Variants in SLTM observed in about 807,000 individuals in gnomAD.
SLTM encodes SAFB like transcription modulator.
In SLTM, 43 loss-of-function variants were observed where a neutral mutation model predicts 134.6. The ratio of observed to expected loss-of-function variants is 0.32; its 90% confidence interval spans 0.25 to 0.41. The LOEUF is 0.41. SLTM is among the 10% of genes least tolerant of loss of function. SLTM has a pLI of 1.00. For synonymous variants in SLTM, 424 were observed against 432.3 expected, an observed-to-expected ratio of 0.98 and a Z score of 0.24; for missense variants, 1,055 against 1,288.8, an observed-to-expected ratio of 0.82 and a Z score of 2.78.
At chr15:58,926,103 C>T (rs1239196030) in intron 2 of SLTM, among the ~76,000 whole-genome samples, 1 of 152,164 alleles carries the variant, frequency 6.6e-6, no homozygotes, top group Non-Finnish European at 1.5e-5. Flanking sequence ...GGGCCCCCAA[C>T]ATAACAACCC....
At position 58,893,836 on chromosome 15, in the gene SLTM, C is replaced by T. The variant is rs772706693; in HGVS notation, c.1633G>A (p.Glu545Lys). The T allele has an allele frequency of 6.2e-7, 1 of 1,608,600 alleles. No homozygotes were observed. Among genetic ancestry groups the T allele is most frequent in the South Asian group, 1.1e-5 (1 of 89,208 alleles). The change falls in exon 12 of 21, where the codon GAA becomes AAA. Residue 545 changes from glutamate to lysine, a missense_variant. Transcript: ENST00000380516. ...TATAGCATACTTATTCGCTTCTTTTCTTCACTTTTTTTAATCGATTCTGAT... is the reference window on the plus strand; with the variant it reads ...TATAGCATACTTATTCGCTTCTTTTTTTCACTTTTTTTAATCGATTCTGAT... ...QTSESIKKSEEKKRISSKSPG... is the reference protein window; with the variant it reads ...QTSESIKKSEKKKRISSKSPG...
rs201304331 is a variant in SLTM at position 58,897,102 on chromosome 15, A to T, written c.1227+13T>A. On this transcript the variant is annotated intron_variant, in intron 9 of 20. Transcript: ENST00000380516. ...ACACCAGAAAGACAGATAAAAAGGTAAAAAGAATGTACCTTTCCATATTTG... is the reference window on the plus strand; with the variant it reads ...ACACCAGAAAGACAGATAAAAAGGTTAAAAGAATGTACCTTTCCATATTTG... 390 of 1,506,120 alleles carry T rather than the reference A, an allele frequency of 2.6e-4. 1 individual carries two copies. Among genetic ancestry groups the T allele is most frequent in the Non-Finnish European group, 3.2e-4 (349 of 1,082,366 alleles). The allele number at this position is 1,506,120 out of a possible 1,614,324, so 93.3% of individuals were successfully genotyped here.
intron 14 of SLTM, among the ~76,000 whole-genome samples, chr15:58,892,024 C>T (rs1362237091): frequency 2.6e-5 from 4 of 152,158 alleles, no homozygotes; most frequent in African/African-American, 9.7e-5. Flanking sequence ...CTATGTGCTA[C>T]AAGGATTACT....
rs1247517702 is a variant in SLTM, at chr15:58,887,532, C to T, written c.2384G>A (p.Arg795His). The part of the protein sequence containing the change: ...VQSSSFERRD[R>H]FVGQSEGKKA... Reference sequence around the variant, plus strand: ...TTTCCCCTCACTTTGACCAACAAAGCGATCCCGCCTATTGATTAGAAACAA... The same window carrying T: ...TTTCCCCTCACTTTGACCAACAAAGTGATCCCGCCTATTGATTAGAAACAA... The change falls in exon 18 of 21, where the codon CGC (arginine) becomes CAC (histidine). Residue 795 changes from arginine to histidine, a missense_variant. By Grantham distance (29) the Arg-to-His change is conservative (BLOSUM62 0). Around this residue, in one of 3 missense-constraint regions of SLTM, gnomAD observed 776 missense variants for 962.2 expected, o/e 0.81. Transcript: ENST00000380516. 2 of 1,609,734 alleles carry T rather than the reference C, an allele frequency of 1.2e-6. No homozygotes were observed. Among genetic ancestry groups the T allele is most frequent in the South Asian group, 1.1e-5 (1 of 90,804 alleles).
chr15:58,898,411 A>G (rs539857291), intron 8 of SLTM: 2 of 156,334 alleles, frequency 1.3e-5, no homozygotes, highest in South Asian at 3.8e-4. Flanking sequence ...AAATACACAC[A>G]AGTATTATTT....
intron 6 of SLTM, chr15:58,900,815 T>C (rs905641752): frequency 3.5e-5 from 6 of 169,308 alleles, no homozygotes; most frequent in African/African-American, 1.4e-4. Flanking sequence ...GACGACTGTA[T>C]GGAAGTTTCT....
chr15:58,880,577 G>C (rs1183730910), intron 20 of SLTM, among the ~76,000 whole-genome samples: 1 of 151,990 alleles, frequency 6.6e-6, no homozygotes, highest in Non-Finnish European at 1.5e-5. Context: ...TATATTTTTA[G>C]ACAGGGCCTC....
chr15:58,909,061 C>T (rs74017308), intron 5 of SLTM, among the ~76,000 whole-genome samples: 135 of 152,262 alleles, frequency 8.9e-4, no homozygotes, highest in African/African-American at 3.1e-3. Flanking sequence ...TCAGTAGTAG[C>T]GAACACCTCC....
chr15:58,886,218 A>AGTGTGTGTGTGT lies in SLTM; in HGVS notation c.2835+745_2835+756dup, dbSNP rs60261686. Reference sequence around the variant, plus strand: ...TTAAATGAAGCAGGAGAAAAAGAAGAGTGTGTGTGTGTGTGTGTGTGTGTG... The same window carrying AGTGTGTGTGTGT: ...TTAAATGAAGCAGGAGAAAAAGAAGAGTGTGTGTGTGTGTGTGTGTGTGTGTGTGTGTGTGTG... On this transcript the variant is annotated intron_variant, in intron 19 of 20. Transcript: ENST00000380516. Among the ~76,000 whole-genome samples the AGTGTGTGTGTGT allele has an allele frequency of 7.2e-5, 9 of 124,474 alleles. No homozygotes were observed. In the East Asian group the frequency reaches 1.2e-3, roughly 16 times the overall value. The allele number at this position is 124,474 out of a possible 152,430, so 81.7% of individuals were successfully genotyped here.
intron 5 of SLTM, among the ~76,000 whole-genome samples, chr15:58,903,312 G>A (rs1460009929): frequency 6.6e-6 from 1 of 152,208 alleles, no homozygotes; most frequent in Non-Finnish European, 1.5e-5. Context: ...TGGGATTACA[G>A]GCATGGGCCA....
chr15:58,903,725 AAG>A (rs1229941219), intron 5 of SLTM, among the ~76,000 whole-genome samples: 1 of 151,962 alleles, frequency 6.6e-6, no homozygotes, highest in African/African-American at 2.4e-5. Context: ...GAAAAAAAAA[AAG>A]AATGTGCATC....
Position 58,902,790 on chromosome 15 carries a change from C to G in SLTM, c.562-1503G>C, listed in dbSNP as rs142980275. Among the ~76,000 whole-genome samples the G allele has an allele frequency of 2.4e-3, 358 of 151,490 alleles. 10 individuals carry two copies. The East Asian group carries it at 0.045, about 19-fold the overall frequency. ...CCAGGCTGGAGTGCAGTGGCATGAT[C>G]TCAGCTCACTGCAACCTCCGCCTCC... On this transcript the variant is annotated intron_variant, in intron 5 of 20. Coordinates refer to ENST00000380516, the MANE Select transcript of SLTM (RefSeq NM_024755.4).
chr15:58,905,427 G>GCCAA (rs1477851836), intron 5 of SLTM, among the ~76,000 whole-genome samples: 1 of 152,142 alleles, frequency 6.6e-6, no homozygotes, highest in Non-Finnish European at 1.5e-5. Flanking sequence ...ATGTGGCCAG[G>GCCAA]CGTGGTGGCT....
chr15:58,894,598 G>A lies in SLTM; in HGVS notation c.1228-16C>T, dbSNP rs767586492. 6.2e-7 allele frequency: 1 copy of A among 1,612,804 alleles called. No individual in the cohort carries two copies. Among genetic ancestry groups the A allele is most frequent in the African/African-American group, 1.3e-5 (1 of 74,784 alleles). On this transcript the variant is annotated splice_polypyrimidine_tract_variant and intron_variant, in intron 9 of 20. Transcript: ENST00000380516. Reference sequence around the variant, plus strand: ...CACTCAGAACCTATAAAATCAGACTGTACTTTAGAGAGTTTTACAACGTTC... The same window carrying A: ...CACTCAGAACCTATAAAATCAGACTATACTTTAGAGAGTTTTACAACGTTC...
intron 9 of SLTM, among the ~76,000 whole-genome samples, chr15:58,896,729 C>T (rs2035108312): frequency 6.6e-6 from 1 of 152,072 alleles, no homozygotes. Context: ...TCTCCCCAGG[C>T]CCCCGTGAAT....
intron 2 of SLTM, among the ~76,000 whole-genome samples, chr15:58,930,095 TACAA>T (rs1163364999): frequency 2.0e-5 from 3 of 152,070 alleles, no homozygotes; most frequent in African/African-American, 2.4e-5. Flanking sequence ...TGAGGCCTGC[TACAA>T]ACAAATGATT....
At chr15:58,922,965 C>T (rs1285554765) in intron 2 of SLTM, among the ~76,000 whole-genome samples, 1 of 152,076 alleles carries the variant, frequency 6.6e-6, no homozygotes, top group Non-Finnish European at 1.5e-5. Flanking sequence ...ATCAGCCCAC[C>T]TCAGCCTCCC....
chr15:58,932,310 A>G, intron 2 of SLTM, 46 bp downstream of exon 2: 11 of 1,447,712 alleles, frequency 7.6e-6, no homozygotes, highest in Non-Finnish European at 9.7e-6. Flanking sequence ...GAGGCAAGTT[A>G]TATAACCAAA....
Position 58,892,953 on chromosome 15 carries a change from C to T in SLTM, c.1842G>A (p.Arg614=), listed in dbSNP as rs998822347. 6.2e-7 allele frequency: 1 copy of T among 1,613,542 alleles called. No individual in the cohort carries two copies. Among genetic ancestry groups the T allele is most frequent in the Non-Finnish European group, 8.5e-7 (1 of 1,179,854 alleles). Reference sequence around the variant, plus strand: ...CAAAACGAACTAAATGTTCTCTCAACCTTTGTTCCTTCATCTTTTCAAAAG... The same window carrying T: ...CAAAACGAACTAAATGTTCTCTCAATCTTTGTTCCTTCATCTTTTCAAAAG... ...ILPFEKMKEQ[R]LREHLVRFER... The change falls in exon 14 of 21, where the codon AGG becomes AGA. Residue 614 remains arginine (R), a synonymous_variant. Transcript: ENST00000380516.
Sources: allele counts gnomAD v4.1 joint callset (sites outside exome capture counted in the v4.1 genomes callset), GRCh38; gene constraint gnomAD v4.1.1; regional missense constraint gnomAD v4.1.1; transcripts MANE v1.5; gene names NCBI Gene and HGNC (gene_info 2026-07-23, HGNC 2026-07-21).